Variants in HNMT observed in about 807,000 individuals in gnomAD.
The protein encoded by HNMT is histamine N-methyltransferase.
HNMT carries 30 observed loss-of-function variants against 32.1 expected under a neutral mutation model. The observed-to-expected ratio is 0.93, with a 90% confidence interval of 0.70 to 1.27. The LOEUF (loss-of-function observed/expected upper bound fraction) is 1.27. Ranked by LOEUF, HNMT falls within the 50% of genes most tolerant of loss-of-function variation. The pLI is 0.00. For synonymous variants in HNMT, 125 were observed against 119.0 expected, an observed-to-expected ratio of 1.05 and a Z score of -0.33; for missense variants, 327 against 346.0, an observed-to-expected ratio of 0.95 and a Z score of 0.43.
chr2:138,011,437 T>C (rs935894036), intron 5 of HNMT, among the ~76,000 whole-genome samples: 2 of 152,112 alleles, frequency 1.3e-5, no homozygotes, highest in African/African-American at 4.8e-5. Flanking sequence ...TATCCTGCAG[T>C]TACCTCTCCC....
chr2:138,009,670 T>A (rs1681434582), intron 5 of HNMT, among the ~76,000 whole-genome samples: 1 of 152,056 alleles, frequency 6.6e-6, no homozygotes, highest in Non-Finnish European at 1.5e-5. Flanking sequence ...AAATTTCCAA[T>A]CAGACATTTT....
Position 137,985,578 on chromosome 2 carries a change from CTA to C in HNMT, c.191-15338_191-15337del, listed in dbSNP as rs1216925685. On this transcript the variant is annotated intron_variant, in intron 2 of 5. Transcript: ENST00000280097. ...TACTAGTAGCAGTCTGTGAGTCTGTCTATGCATTCATGCATCCGTCTAACCAG... is the reference window on the plus strand; with the variant it reads ...TACTAGTAGCAGTCTGTGAGTCTGTCTGCATTCATGCATCCGTCTAACCAG... 2.0e-5 allele frequency among the ~76,000 whole-genome samples: 3 copies of C among 152,280 alleles called. No individual in the cohort carries two copies. In the East Asian group the frequency reaches 5.8e-4, roughly 29 times the overall value.
intron 2 of HNMT, among the ~76,000 whole-genome samples, chr2:137,974,846 A>G (rs1680240953): frequency 6.6e-6 from 1 of 152,178 alleles, no homozygotes; most frequent in African/African-American, 2.4e-5. Context: ...AGGTGTTATC[A>G]ACCCTCATAA....
chr2:137,995,606 A>G (rs750098171), intron 2 of HNMT, among the ~76,000 whole-genome samples: 9 of 152,218 alleles, frequency 5.9e-5, no homozygotes, highest in Non-Finnish European at 1.3e-4. Flanking sequence ...AGCTGGTACC[A>G]TTCCTTCAGA....
intron 2 of HNMT, among the ~76,000 whole-genome samples, chr2:137,994,319 G>A (rs186933039): frequency 7.4e-4 from 113 of 152,244 alleles, no homozygotes; most frequent in African/African-American, 2.4e-3. Context: ...CTCAAAATAA[G>A]GGGATGGAGG....
chr2:137,965,832 TAC>T (rs1292223104), intron 1 of HNMT, among the ~76,000 whole-genome samples: 1 of 152,242 alleles, frequency 6.6e-6, no homozygotes, highest in Non-Finnish European at 1.5e-5. Flanking sequence ...TCTTCAGCCA[TAC>T]ACAGTTTGGT....
intron 2 of HNMT, among the ~76,000 whole-genome samples, chr2:137,994,848 C>G (rs1680940114): frequency 6.6e-6 from 1 of 152,180 alleles, no homozygotes; most frequent in African/African-American, 2.4e-5. Context: ...AATTAGAACT[C>G]AGGATTAAGA....
intron 5 of HNMT, among the ~76,000 whole-genome samples, chr2:138,006,058 T>A (rs1681323134): frequency 6.6e-6 from 1 of 152,022 alleles, no homozygotes; most frequent in East Asian, 1.9e-4. Flanking sequence ...TAGCTTGTAA[T>A]CCTGGGTTTG....
At chr2:137,971,631 G>A (rs902680512) in intron 2 of HNMT, among the ~76,000 whole-genome samples, 5 of 152,134 alleles carry the variant, frequency 3.3e-5, no homozygotes, top group Non-Finnish European at 5.9e-5. Context: ...CAGTAAAATG[G>A]GAACAATGAA....
chr2:138,002,139 G>A lies in HNMT; in HGVS notation c.374G>A (p.Ser125Asn), dbSNP rs773017940. The A allele has an allele frequency of 1.2e-5, 20 of 1,600,936 alleles. No homozygotes were observed. The highest frequency in any genetic ancestry group is 1.7e-4 in the Middle Eastern group (1 of 6,028). The change falls in exon 4 of 6, where the codon AGT becomes AAT. Residue 125 changes from serine (S) to asparagine (N), a missense_variant. Transcript: ENST00000280097. ...WHKETSSEYQ[S>N]RMLEKKELQK... ...AAGGAGACATCATCTGAATACCAAAGTAGAATGTTGGAGAAAAAGGAGCTT... is the reference window on the plus strand; with the variant it reads ...AAGGAGACATCATCTGAATACCAAAATAGAATGTTGGAGAAAAAGGAGCTT...
intron 2 of HNMT, among the ~76,000 whole-genome samples, chr2:137,972,793 G>T (rs1031313961): frequency 6.6e-6 from 1 of 152,100 alleles, no homozygotes; most frequent in Non-Finnish European, 1.5e-5. Flanking sequence ...AGGCCTACAA[G>T]AAAAAGTAAT....
At chr2:137,964,760 G>T (rs1204548918) in intron 1 of HNMT, 132 bp downstream of exon 1, 2 of 846,808 alleles carry the variant, frequency 2.4e-6, no homozygotes, top group Non-Finnish European at 3.8e-6. Flanking sequence ...GCTCCCCGTC[G>T]TCCCCTCCTC....
At position 138,000,915 on chromosome 2, in the gene HNMT, T is replaced by C. The variant is rs753408690; in HGVS notation, c.191-3T>C. On this transcript the variant is annotated splice_polypyrimidine_tract_variant and splice_region_variant and intron_variant, in intron 2 of 5. Coordinates refer to ENST00000280097, the MANE Select transcript of HNMT (RefSeq NM_006895.3). ...TGACCTGTCCCATATGTTTATCTTCTAGGTGAAATTGATCTTCAAATTCTC... is the reference window on the plus strand; with the variant it reads ...TGACCTGTCCCATATGTTTATCTTCCAGGTGAAATTGATCTTCAAATTCTC... 1.9e-6 allele frequency: 3 copies of C among 1,547,962 alleles called. No individual in the cohort carries two copies. The highest frequency in any genetic ancestry group is 1.4e-5 in the African/African-American group (1 of 73,184).
In HNMT at chr2:138,000,184, G is replaced by A. The variant is rs139119040; in HGVS notation, c.191-734G>A. 3.9e-3 allele frequency among the ~76,000 whole-genome samples: 599 copies of A among 152,204 alleles called. 2 individuals are homozygous for A. The highest frequency in any genetic ancestry group is 5.4e-3 in the Admixed American group (82 of 15,278). The stretch of plus-strand genomic sequence containing the variant: ...GTGTGCATCTGTCATCTTGTCCCCT[G>A]TACCTGCAATCCCTCACTTCCCCAC... On this transcript the variant is annotated intron_variant, in intron 2 of 5. Transcript: ENST00000280097.
At chr2:137,997,594 C>T (rs746837713) in intron 2 of HNMT, among the ~76,000 whole-genome samples, 31 of 152,130 alleles carry the variant, frequency 2.0e-4, no homozygotes, top group Admixed American at 6.5e-5. Flanking sequence ...ATTAGTTCAA[C>T]CATTGTGGAA....
At chr2:137,978,057 G>A (rs1450570649) in intron 2 of HNMT, among the ~76,000 whole-genome samples, 3 of 151,974 alleles carry the variant, frequency 2.0e-5, no homozygotes, top group Non-Finnish European at 4.4e-5. Flanking sequence ...GCTTTTTGTG[G>A]TGGTTGTTAT....
At position 138,014,508 on chromosome 2, in the gene HNMT, T is replaced by C. The variant is rs931231319; in HGVS notation, c.*378T>C. The C allele has an allele frequency of 1.2e-5, 2 of 162,774 alleles. No homozygotes were observed. The highest frequency in any genetic ancestry group is 2.4e-5 in the African/African-American group (1 of 41,746). 10.1% of individuals were successfully genotyped at this position (162,774 alleles called of 1,614,324 possible). ...TATTAGTGAAGTATGCACTAATCAA[T>C]ACTTTGAACACAAAGCCTGTGTTAC... On this transcript the variant is annotated 3_prime_UTR_variant, in exon 6 of 6. Transcript: ENST00000280097.
chr2:137,970,302 C>CTTT, intron 2 of HNMT, 85 bp downstream of exon 2: 1 of 611,290 alleles, frequency 1.6e-6, no homozygotes, highest in Non-Finnish European at 2.7e-6. Context: ...TTTAGGAAGA[C>CTTT]TTTTTTTTTT....
intron 2 of HNMT, among the ~76,000 whole-genome samples, chr2:137,977,389 A>G (rs1680318244): frequency 6.6e-6 from 1 of 152,142 alleles, no homozygotes; most frequent in Non-Finnish European, 1.5e-5. Flanking sequence ...ATACACAGTC[A>G]TGCAACTCTG....
Sources: gnomAD v4.1 joint callset for allele counts (sites outside exome capture counted in the v4.1 genomes callset) on GRCh38, gnomAD v4.1.1 for gene constraint, MANE v1.5 for transcripts, NCBI Gene and HGNC (gene_info 2026-07-23, HGNC 2026-07-21) for gene names.